PKHD1: variants seen among roughly 807,000 people sequenced by gnomAD.
PKHD1 encodes PKHD1 ciliary IPT domain containing fibrocystin/polyductin.
Under a neutral mutation model 412.0 loss-of-function variants are expected in PKHD1, and 291 were observed. The observed-to-expected ratio is 0.71, with a 90% CI of 0.64 to 0.78. PKHD1 has a LOEUF of 0.78. Ranked by LOEUF, PKHD1 falls within the 30% of genes least tolerant of loss-of-function variation. The pLI is 0.00. For missense variants in PKHD1, 4,825 were observed against 4,950.7 expected (o/e 0.97, Z 0.76); for synonymous variants, 1,777 against 1,821.5 (o/e 0.98, Z 0.62).
Position 51,619,519 on chromosome 6 carries a change from A to T in PKHD1, c.11787T>A (p.Asp3929Glu). 1 of 1,613,138 alleles carries T rather than the reference A, an allele frequency of 6.2e-7. No individual in the cohort carries two copies. The highest frequency in any genetic ancestry group is 8.5e-7 in the Non-Finnish European group (1 of 1,179,102). The change falls in exon 67 of 67, where the codon GAT becomes GAA. Residue 3929 changes from aspartate (D) to glutamate (E), a missense_variant and splice_region_variant. Coordinates refer to ENST00000371117, the MANE Select transcript of PKHD1 (RefSeq NM_138694.4). ...TGCCCAGCATGACCTTCATTCTCAT[A>T]TCTGGGGGGAAAAGAAATAGGGGAA... is the stretch of plus-strand genomic sequence containing the variant. ...PKKEDTVVGE[D>E]MRMKVMLGKV... is the part of the protein sequence containing the mutation.
chr6:51,855,967 A>T lies in PKHD1; in HGVS notation c.7837T>A (p.Trp2613Arg), dbSNP rs776157943. 6.2e-7 allele frequency: 1 copy of T among 1,613,428 alleles called. No homozygotes were observed. Residue 2613 changes from tryptophan (W) to arginine (R), a missense_variant, in exon 49 of 67, where the codon TGG (tryptophan) becomes AGG (arginine). Coordinates refer to ENST00000371117, the MANE Select transcript of PKHD1 (RefSeq NM_138694.4). ...TCTTGGTCCAAGAGCAGAGCCATCC[A>T]GCCACGAGGGTTAGACAATGTATCA... ...VRDTLSNPRG[W>R]MALLLDQETY...
At chr6:51,619,545 G>A in intron 66 of PKHD1, 25 bp from the exon 67 acceptor site, 4 of 1,588,826 alleles carry the variant, frequency 2.5e-6, no homozygotes, top group Non-Finnish European at 3.5e-6. Flanking sequence ...AATAGGGGAA[G>A]AAATGGATTT....
At position 52,058,480 on chromosome 6, in the gene PKHD1, T is replaced by C. The variant is rs749013675; in HGVS notation, c.1355A>G (p.Tyr452Cys). Residue 452 changes from tyrosine to cysteine, a missense_variant, in exon 16 of 67, where the codon TAC becomes TGC. Coordinates refer to ENST00000371117, the MANE Select transcript of PKHD1 (RefSeq NM_138694.4). Reference sequence around the variant, plus strand: ...CCCATGATGCTCTGCTTCCAGGTAGTACATGGCTCCACCCAACAGCTCCAA... The same window carrying C: ...CCCATGATGCTCTGCTTCCAGGTAGCACATGGCTCCACCCAACAGCTCCAA... ...PKLELLGGAM[Y>C]YLEAEHHGIA... The C allele has an allele frequency of 1.9e-6, 3 of 1,614,194 alleles. No homozygotes were observed. The highest frequency in any genetic ancestry group is 2.5e-6 in the Non-Finnish European group (3 of 1,180,010).
chr6:52,060,693 ATATTTTCTGATAATGC>A (rs1340729751), intron 14 of PKHD1, among the ~76,000 whole-genome samples: 1 of 152,132 alleles, frequency 6.6e-6, no homozygotes, highest in African/African-American at 2.4e-5. Context: ...AATACCAAGA[ATATTTTCTGATAATGC>A]TATTTTCTTA....
Position 52,073,580 on chromosome 6 carries a change from C to A in PKHD1, c.449-39G>T, listed in dbSNP as rs769647107. On this transcript the variant is annotated intron_variant, in intron 6 of 66. Coordinates refer to ENST00000371117, the MANE Select transcript of PKHD1 (RefSeq NM_138694.4). The stretch of plus-strand genomic sequence containing the variant: ...AATTTTTTTAATTTAATGGACTTAG[C>A]TCAAACTCAATGTATAATAAAAAAC... 8 of 1,148,056 alleles carry A rather than the reference C, an allele frequency of 7.0e-6. No homozygotes were observed. In the South Asian group the frequency reaches 9.8e-5, roughly 14 times the overall value. The allele number at this position is 1,148,056 out of a possible 1,614,324, so 71.1% of individuals were successfully genotyped here.
intron 60 of PKHD1, among the ~76,000 whole-genome samples, chr6:51,673,708 G>T (rs541696696): frequency 6.6e-6 from 1 of 152,092 alleles, no homozygotes; most frequent in South Asian, 2.1e-4. Flanking sequence ...GCCTCGGAGG[G>T]GCAGGGGTTT....
rs1313588933 is a variant in PKHD1 at position 52,082,984 on chromosome 6, T to C, written c.130+194A>G. ...TGGGAAAGTGGACACAGAGTTGTCA[T>C]GGTATGCTGTGCTTTGCTTCTGTGA... is the stretch of plus-strand genomic sequence containing the variant. On this transcript the variant is annotated intron_variant, in intron 3 of 66. Coordinates refer to ENST00000371117, the MANE Select transcript of PKHD1 (RefSeq NM_138694.4). Among the ~76,000 whole-genome samples the C allele has an allele frequency of 5.3e-5, 8 of 152,300 alleles. No individual in the cohort carries two copies. In the South Asian group the frequency reaches 1.2e-3, roughly 24 times the overall value.
intron 36 of PKHD1, among the ~76,000 whole-genome samples, chr6:51,935,655 C>T (rs1195266742): frequency 1.3e-5 from 2 of 152,184 alleles, no homozygotes; most frequent in Non-Finnish European, 2.9e-5. Flanking sequence ...TCATGATTTG[C>T]TACCCAACCT....
intron 43 of PKHD1, among the ~76,000 whole-genome samples, chr6:51,896,270 C>A (rs1432753152): frequency 6.6e-6 from 1 of 151,408 alleles, no homozygotes; most frequent in Non-Finnish European, 1.5e-5. Context: ...CCCTGTCTGA[C>A]AGCTTTGAAG....
intron 29 of PKHD1, 21 bp from the exon 30 acceptor site, chr6:52,028,372 T>C: frequency 3.7e-6 from 6 of 1,609,222 alleles, no homozygotes; most frequent in Non-Finnish European, 5.1e-6. Context: ...AAGAATCCAA[T>C]AGCCTCTGAC....
At chr6:51,685,706 G>A (rs959390547) in intron 60 of PKHD1, among the ~76,000 whole-genome samples, 4 of 152,040 alleles carry the variant, frequency 2.6e-5, no homozygotes, top group African/African-American at 9.7e-5. Context: ...ACTATTTCCC[G>A]AAGCAACTTC....
intron 35 of PKHD1, among the ~76,000 whole-genome samples, chr6:51,973,351 T>G (rs1793937892): frequency 6.6e-6 from 1 of 152,234 alleles, no homozygotes; most frequent in South Asian, 2.1e-4. Context: ...TGCACTTTAA[T>G]CATTTACTTT....
At chr6:51,766,123 T>A (rs940677080) in intron 55 of PKHD1, among the ~76,000 whole-genome samples, 1 of 152,158 alleles carries the variant, frequency 6.6e-6, no homozygotes, top group Non-Finnish European at 1.5e-5. Context: ...TATCTCCAGA[T>A]CATAGCTCAA....
intron 52 of PKHD1, 37 bp downstream of exon 52, chr6:51,830,824 C>T: frequency 6.2e-7 from 1 of 1,600,446 alleles, no homozygotes; most frequent in South Asian, 1.1e-5. Flanking sequence ...CTGGGTTCAG[C>T]CTGTCTGTGA....
At position 52,047,004 on chromosome 6, in the gene PKHD1, C is replaced by T. The variant is rs139706282; in HGVS notation, c.2408-816G>A. On this transcript the variant is annotated intron_variant, in intron 23 of 66. Coordinates refer to ENST00000371117, the MANE Select transcript of PKHD1 (RefSeq NM_138694.4). ...CTGAAGGGCTAATAAAATATCACTG[C>T]GTTTCTAAATTGCAAACGAAATTGT... Among the ~76,000 whole-genome samples, 5 of 152,314 alleles carry T rather than the reference C, an allele frequency of 3.3e-5. No individual in the cohort carries two copies. The East Asian group carries it at 5.8e-4, about 18-fold the overall frequency.
chr6:51,979,336 T>C (rs1794848211), intron 35 of PKHD1, among the ~76,000 whole-genome samples: 1 of 152,166 alleles, frequency 6.6e-6, no homozygotes, highest in Non-Finnish European at 1.5e-5. Context: ...ATCTAGGGTT[T>C]ATTGCAGCAC....
chr6:51,641,323 C>T (rs1443250325), intron 63 of PKHD1, among the ~76,000 whole-genome samples: 1 of 152,124 alleles, frequency 6.6e-6, no homozygotes, highest in Non-Finnish European at 1.5e-5. Flanking sequence ...TTGAGTGTGG[C>T]TTGGTGTCCG....
chr6:52,064,107 C>T (rs2128220819), intron 13 of PKHD1, among the ~76,000 whole-genome samples: 1 of 152,350 alleles, frequency 6.6e-6, no homozygotes, highest in East Asian at 1.9e-4. Context: ...CATTTTCACA[C>T]CTGAATGCCC....
intron 55 of PKHD1, among the ~76,000 whole-genome samples, chr6:51,763,220 C>A (rs1235888830): frequency 1.3e-5 from 2 of 151,938 alleles, no homozygotes; most frequent in African/African-American, 4.8e-5. Context: ...GTTTTCATAT[C>A]CATAAAATGC....
Sources: gnomAD v4.1 joint callset for allele counts (sites outside exome capture counted in the v4.1 genomes callset) on GRCh38, gnomAD v4.1.1 for gene constraint, MANE v1.5 for transcripts, NCBI Gene and HGNC (gene_info 2026-07-23, HGNC 2026-07-21) for gene names.